Variants in PLPP1 observed in about 807,000 individuals in gnomAD.
PLPP1 encodes the protein phospholipid phosphatase 1.
In PLPP1, 24 loss-of-function variants were observed where a neutral mutation model predicts 31.2. The ratio of observed to expected loss-of-function variants is 0.77; its 90% CI spans 0.56 to 1.08. The LOEUF (loss-of-function observed/expected upper bound fraction) is 1.08, where lower values mean the gene tolerates loss of function less well. Among genes scored for constraint, PLPP1 ranks in the 50% least tolerant of loss-of-function variants. The pLI is 0.00. For missense variants in PLPP1, 319 were observed against 342.7 expected (o/e 0.93, Z 0.55); for synonymous variants, 146 against 126.3 (o/e 1.16, Z -1.05).
intron 1 of PLPP1, among the ~76,000 whole-genome samples, chr5:55,479,637 C>G (rs201586804): frequency 2.4e-4 from 1 of 4,162 alleles, no homozygotes; most frequent in East Asian, 2.1e-3. Context: ...GGTCCCTGAA[C>G]CGGGTGAAAT....
intron 1 of PLPP1, among the ~76,000 whole-genome samples, chr5:55,511,352 G>A (rs1375310013): frequency 6.6e-6 from 1 of 152,112 alleles, no homozygotes; most frequent in African/African-American, 2.4e-5. Context: ...ATCCAAAAAT[G>A]GGGGCAAAGT....
Position 55,436,589 on chromosome 5 carries a change from A to G in PLPP1, c.549+5262T>C, listed in dbSNP as rs528398917. Among the ~76,000 whole-genome samples, 35 of 151,938 alleles carry G rather than the reference A, an allele frequency of 2.3e-4. 1 individual carries two copies. Among genetic ancestry groups the G allele is most frequent in the African/African-American group, 8.5e-4 (35 of 41,384 alleles). On this transcript the variant is annotated intron_variant, in intron 4 of 5. Coordinates refer to ENST00000307259, the MANE Select transcript of PLPP1 (RefSeq NM_003711.4). ...CATGAAAACAGACTAATAAACCAAC[A>G]CTCCAAAACGTGTGGCTCCGCTTGT...
In PLPP1 at chr5:55,425,908, A is replaced by G; in HGVS notation, c.681T>C (p.Asp227=). The change falls in exon 5 of 6, where the codon GAT becomes GAC. Residue 227 remains aspartate (D), a synonymous_variant. Coordinates refer to ENST00000307259, the MANE Select transcript of PLPP1 (RefSeq NM_003711.4). The part of the protein sequence containing the change: ...RVSDYKHHWS[D]VLTGLIQGAL... ...CTCCCTGAATGAGTCCAGTCAACAC[A>G]TCGCTCCAGTGGTGTTTATAATCAG... 1 of 1,613,478 alleles carries G rather than the reference A, an allele frequency of 6.2e-7. No individual in the cohort carries two copies.
intron 1 of PLPP1, among the ~76,000 whole-genome samples, chr5:55,516,428 C>T (rs1188433595): frequency 2.0e-5 from 3 of 152,184 alleles, no homozygotes; most frequent in Non-Finnish European, 4.4e-5. Context: ...TTCTCCTTCA[C>T]AATACTTATT....
intron 1 of PLPP1, among the ~76,000 whole-genome samples, chr5:55,506,509 A>G (rs1753282675): frequency 3.9e-5 from 6 of 152,200 alleles, no homozygotes; most frequent in Admixed American, 3.9e-4. Context: ...GATACACACA[A>G]TAAATCTTAA....
At chr5:55,462,102 A>G (rs1333141862) in intron 3 of PLPP1, among the ~76,000 whole-genome samples, 1 of 152,238 alleles carries the variant, frequency 6.6e-6, no homozygotes. Flanking sequence ...CAATACTAAC[A>G]TGGCAATTCT....
chr5:55,530,947 G>T (rs889827635), intron 1 of PLPP1, among the ~76,000 whole-genome samples: 2 of 150,986 alleles, frequency 1.3e-5, no homozygotes, highest in Non-Finnish European at 2.9e-5. Context: ...CAGCGGCAGC[G>T]GCCGAGGTGA....
intron 1 of PLPP1, among the ~76,000 whole-genome samples, chr5:55,483,148 C>A (rs1752704318): frequency 6.6e-6 from 1 of 151,990 alleles, no homozygotes; most frequent in Non-Finnish European, 1.5e-5. Context: ...AGCACTTAGA[C>A]TACCAAAATT....
intron 3 of PLPP1, among the ~76,000 whole-genome samples, chr5:55,454,301 A>C (rs1468978721): frequency 1.3e-5 from 2 of 152,170 alleles, no homozygotes; most frequent in African/African-American, 4.8e-5. Flanking sequence ...ATATAAACGA[A>C]CAGTACTGTT....
intron 1 of PLPP1, among the ~76,000 whole-genome samples, chr5:55,492,535 A>G (rs544177742): frequency 6.6e-6 from 1 of 152,306 alleles, no homozygotes; most frequent in East Asian, 1.9e-4. Flanking sequence ...GAGGCAACTG[A>G]GTTGAAGGTG....
chr5:55,475,573 T>C lies in PLPP1; in HGVS notation c.59-123A>G, dbSNP rs1752519964. 12 of 883,008 alleles carry C rather than the reference T, an allele frequency of 1.4e-5. No homozygotes were observed. In the South Asian group the frequency reaches 1.7e-4, roughly 12 times the overall value. The allele number at this position is 883,008 out of a possible 1,614,324, so 54.7% of individuals were successfully genotyped here. Reference sequence around the variant, plus strand: ...TGCCATGAAAATAAATGAGAGCACATGTAAAAAAGGAAATGCAGCAATGCA... The same window carrying C: ...TGCCATGAAAATAAATGAGAGCACACGTAAAAAAGGAAATGCAGCAATGCA... On this transcript the variant is annotated intron_variant, in intron 1 of 5. Coordinates refer to ENST00000307259, the MANE Select transcript of PLPP1 (RefSeq NM_003711.4).
chr5:55,461,141 G>A (rs1280195209), intron 3 of PLPP1, among the ~76,000 whole-genome samples: 1 of 152,116 alleles, frequency 6.6e-6, no homozygotes, highest in Admixed American at 6.6e-5. Flanking sequence ...GTTTCAGTGA[G>A]CCAAGATCAC....
At chr5:55,429,115 G>A (rs948274087) in intron 4 of PLPP1, among the ~76,000 whole-genome samples, 2 of 152,082 alleles carry the variant, frequency 1.3e-5, no homozygotes, top group African/African-American at 2.4e-5. Context: ...GTATGAAGGC[G>A]TTCTCTAATT....
chr5:55,435,114 C>T (rs751794555), intron 4 of PLPP1, among the ~76,000 whole-genome samples: 17 of 152,100 alleles, frequency 1.1e-4, no homozygotes, highest in Admixed American at 7.2e-4. Context: ...CAAAAGAAGA[C>T]GTACAAATGG....
chr5:55,470,138 G>A (rs963650010), intron 2 of PLPP1, among the ~76,000 whole-genome samples: 18 of 152,132 alleles, frequency 1.2e-4, no homozygotes, highest in African/African-American at 4.3e-4. Flanking sequence ...GGTTATCCCT[G>A]ACTGCCAACA....
chr5:55,433,627 G>A (rs1751421067), intron 4 of PLPP1, among the ~76,000 whole-genome samples: 1 of 146,860 alleles, frequency 6.8e-6, no homozygotes, highest in African/African-American at 2.5e-5. Flanking sequence ...AGCCTCCCAA[G>A]TAGCTGGGAG....
intron 1 of PLPP1, among the ~76,000 whole-genome samples, chr5:55,496,220 T>G (rs1753001362): frequency 6.6e-6 from 1 of 152,156 alleles, no homozygotes. Context: ...AAGTTAGTGT[T>G]CTAGGAAGAC....
chr5:55,434,216 T>G (rs574580917), intron 4 of PLPP1, among the ~76,000 whole-genome samples: 1 of 151,638 alleles, frequency 6.6e-6, no homozygotes, highest in East Asian at 1.9e-4. Flanking sequence ...AGGGATCTAT[T>G]TAACCAAGGA....
At chr5:55,426,571 GGTT>G (rs1402464169) in intron 4 of PLPP1, among the ~76,000 whole-genome samples, 4 of 37,936 alleles carry the variant, frequency 1.1e-4, no homozygotes, top group East Asian at 4.3e-4. Context: ...CCAGCTAATT[GGTT>G]TTTTTTTTTT....
Sources: gnomAD v4.1 joint callset for allele counts (sites outside exome capture counted in the v4.1 genomes callset) on GRCh38, gnomAD v4.1.1 for gene constraint, MANE v1.5 for transcripts, NCBI Gene and HGNC (gene_info 2026-07-23, HGNC 2026-07-21) for gene names.